Variants in VPS37A observed in about 807,000 individuals in gnomAD.
VPS37A encodes the protein vacuolar protein sorting-associated protein 37A.
Under a neutral mutation model 49.8 loss-of-function variants are expected in VPS37A, and 30 were observed. The ratio of observed to expected loss-of-function variants is 0.60; its 90% confidence interval spans 0.45 to 0.82. VPS37A has a LOEUF of 0.82. VPS37A is among the 40% of genes least tolerant of loss of function. The pLI is 0.00. For missense variants in VPS37A, 593 were observed against 464.4 expected (o/e 1.28, Z -2.55); for synonymous variants, 195 against 160.6 (o/e 1.21, Z -1.62).
chr8:17,275,259 T>C (rs1044219999), intron 5 of VPS37A, among the ~76,000 whole-genome samples: 1 of 152,172 alleles, frequency 6.6e-6, no homozygotes, highest in African/African-American at 2.4e-5. Flanking sequence ...GTGATTCTGG[T>C]TTTTTTCACC....
intron 1 of VPS37A, among the ~76,000 whole-genome samples, chr8:17,256,559 A>C (rs901573084): frequency 1.3e-5 from 2 of 151,892 alleles, no homozygotes; most frequent in African/African-American, 4.8e-5. Context: ...TCAGATGGAT[A>C]GTTTACAAAA....
Position 17,280,305 on chromosome 8 carries a change from AG to A in VPS37A, c.900+9del. ...CAAACTGTTTTAGATAAGGTGAGTT[AG>A]TGATAATTTTGAAGAAATTTACATA... On this transcript the variant is annotated intron_variant, in intron 8 of 11. Transcript: ENST00000324849. The A allele has an allele frequency of 6.2e-7, 1 of 1,609,888 alleles. No homozygotes were observed. The highest frequency in any genetic ancestry group is 8.5e-7 in the Non-Finnish European group (1 of 1,178,550).
At chr8:17,310,000 T>A in the VPS37A span, among the ~76,000 whole-genome samples, 1 of 152,192 alleles carries the variant, frequency 6.6e-6, no homozygotes, top group South Asian at 2.1e-4. Context: ...TATTGTTTTA[T>A]ATTTTAAAAT....
chr8:17,265,560 A>G (rs1051310085), intron 1 of VPS37A, among the ~76,000 whole-genome samples: 3 of 152,228 alleles, frequency 2.0e-5, no homozygotes, highest in African/African-American at 4.8e-5. Flanking sequence ...TAAAACCCAG[A>G]TGGATTGCTC....
At chr8:17,303,754 C>G (rs558815573), downstream of VPS37A, among the ~76,000 whole-genome samples, 1 of 152,146 alleles carries the variant, frequency 6.6e-6, no homozygotes, top group South Asian at 2.1e-4. Flanking sequence ...GGATTACAGG[C>G]GCTCACCACC....
the VPS37A span, among the ~76,000 whole-genome samples, chr8:17,323,490 G>A: frequency 1.1e-4 from 17 of 152,062 alleles, no homozygotes; most frequent in Non-Finnish European, 1.9e-4. Context: ...AAGAGAAGTC[G>A]ACACTGGGAA....
chr8:17,277,976 A>G (rs1243070805), intron 6 of VPS37A, among the ~76,000 whole-genome samples: 1 of 152,092 alleles, frequency 6.6e-6, no homozygotes, highest in African/African-American at 2.4e-5. Context: ...ATGTCCATGT[A>G]CATACATCCA....
the VPS37A span, among the ~76,000 whole-genome samples, chr8:17,310,502 G>A: frequency 6.6e-6 from 1 of 152,148 alleles, no homozygotes; most frequent in Non-Finnish European, 1.5e-5. Flanking sequence ...CATGTGTGCA[G>A]GAGAAGAGCC....
chr8:17,300,449 A>G (rs1344365567), downstream of VPS37A, among the ~76,000 whole-genome samples: 2 of 152,198 alleles, frequency 1.3e-5, no homozygotes, highest in Admixed American at 6.5e-5. Flanking sequence ...TAGGTTTTCT[A>G]TAATAATAAA....
chr8:17,322,308 C>T, the VPS37A span, among the ~76,000 whole-genome samples: 1 of 152,200 alleles, frequency 6.6e-6, no homozygotes, highest in South Asian at 2.1e-4. Context: ...GCTACACAAG[C>T]TCATCACCAT....
chr8:17,247,236 C>G lies in VPS37A; in HGVS notation c.-9C>G. 1 of 1,567,168 alleles carries G rather than the reference C, an allele frequency of 6.4e-7. No homozygotes were observed. Among genetic ancestry groups the G allele is most frequent in the Non-Finnish European group, 8.7e-7 (1 of 1,155,860 alleles). On this transcript the variant is annotated 5_prime_UTR_variant, in exon 1 of 12. Coordinates refer to ENST00000324849, the MANE Select transcript of VPS37A (RefSeq NM_152415.3). ...CTTCCAGGGCCTCCGGCCCGTGGAC[C>G]CGAGGAGGATGAGCTGGCTTTTTCC...
chr8:17,266,379 T>G lies in VPS37A; in HGVS notation c.200+398T>G, dbSNP rs562270806. 5.9e-5 allele frequency among the ~76,000 whole-genome samples: 9 copies of G among 152,318 alleles called. No individual in the cohort carries two copies. The South Asian group carries it at 1.2e-3, about 21-fold the overall frequency. On this transcript the variant is annotated intron_variant, in intron 2 of 11. Coordinates refer to ENST00000324849, the MANE Select transcript of VPS37A (RefSeq NM_152415.3). ...TTCCAAATTTCAGCAACAGATATACTACATCAACCAGAAAGTTCAAGATTA... is the reference window on the plus strand; with the variant it reads ...TTCCAAATTTCAGCAACAGATATACGACATCAACCAGAAAGTTCAAGATTA...
At chr8:17,278,982 C>T (rs1186325905) in intron 6 of VPS37A, among the ~76,000 whole-genome samples, 1 of 152,060 alleles carries the variant, frequency 6.6e-6, no homozygotes, top group Non-Finnish European at 1.5e-5. Context: ...CTAGTTCTTT[C>T]ACCCTACAGA....
chr8:17,314,412 TTTC>T, the VPS37A span, among the ~76,000 whole-genome samples: 1 of 152,194 alleles, frequency 6.6e-6, no homozygotes, highest in Admixed American at 6.5e-5. Context: ...TGAGCCTCAA[TTTC>T]TTCATTTTTA....
the VPS37A span, among the ~76,000 whole-genome samples, chr8:17,328,252 C>A: frequency 0.29 from 43,862 of 151,980 alleles, 7,184 homozygotes; most frequent in South Asian, 0.54. Context: ...GTGGGGCACA[C>A]CCTCAACAAG....
At chr8:17,313,364 C>G in the VPS37A span, 2 of 1,612,780 alleles carry the variant, frequency 1.2e-6, no homozygotes, top group East Asian at 2.2e-5. Flanking sequence ...CCAGACCCCA[C>G]AGGAAATCAC....
the VPS37A span, among the ~76,000 whole-genome samples, chr8:17,308,833 T>C: frequency 6.6e-6 from 1 of 152,136 alleles, no homozygotes; most frequent in Non-Finnish European, 1.5e-5. Context: ...GAAGCCTTCA[T>C]CACCACTCCA....
chr8:17,276,061 A>G (rs1814482435), intron 5 of VPS37A, among the ~76,000 whole-genome samples: 1 of 152,200 alleles, frequency 6.6e-6, no homozygotes, highest in Non-Finnish European at 1.5e-5. Flanking sequence ...TTGCTTTTGT[A>G]TATTTAATGC....
chr8:17,272,167 G>C (rs1814057486), intron 4 of VPS37A: 1 of 442,882 alleles, frequency 2.3e-6, no homozygotes, highest in South Asian at 1.6e-5. Context: ...GGCCCACCAG[G>C]CTCCTCCTAA....
Sources: gnomAD v4.1 joint callset for allele counts (sites outside exome capture counted in the v4.1 genomes callset) on GRCh38, gnomAD v4.1.1 for gene constraint, MANE v1.5 for transcripts, NCBI Gene and HGNC (gene_info 2026-07-23, HGNC 2026-07-21) for gene names.